The following MBNL1 variants were observed in gnomAD, a reference collection of about 807,000 sequenced individuals.
MBNL1 encodes muscleblind like splicing regulator 1.
In MBNL1, 8 loss-of-function variants were observed where a neutral mutation model predicts 42.2. The observed-to-expected ratio is 0.19, with a 90% CI of 0.11 to 0.34. The LOEUF is 0.34. MBNL1 is among the 10% of genes least tolerant of loss of function. MBNL1 has a pLI of 1.00. For synonymous variants in MBNL1, 169 were observed against 173.9 expected, an observed-to-expected ratio of 0.97 and a Z score of 0.22; for missense variants, 309 against 495.3, an observed-to-expected ratio of 0.62 and a Z score of 3.57.
intron 1 of MBNL1, among the ~76,000 whole-genome samples, chr3:152,279,865 G>A (rs2047399857): frequency 1.3e-5 from 2 of 152,028 alleles, no homozygotes; most frequent in African/African-American, 4.8e-5. Flanking sequence ...TTATACATCA[G>A]TCTCTGCTCT....
chr3:152,427,318 C>T (rs1257382781), intron 3 of MBNL1, among the ~76,000 whole-genome samples: 1 of 152,200 alleles, frequency 6.6e-6, no homozygotes, highest in Non-Finnish European at 1.5e-5. Context: ...AGGAGGTACT[C>T]ATTGATTTAT....
intron 2 of MBNL1, among the ~76,000 whole-genome samples, chr3:152,326,529 CA>C (rs950017346): frequency 5.3e-5 from 8 of 151,840 alleles, no homozygotes; most frequent in African/African-American, 1.9e-4. Context: ...TTAGAGTTTG[CA>C]AAAATGGTGA....
chr3:152,354,673 T>C lies in MBNL1; in HGVS notation c.174+54306T>C, dbSNP rs570789805. On this transcript the variant is annotated intron_variant, in intron 2 of 9. Coordinates refer to ENST00000324210, the MANE Select transcript of MBNL1 (RefSeq NM_021038.5). ...AAAAAAAAAACTGCCCTGAAGCCTT[T>C]GGTTTATATAGAATAAAATAGGGCA... 3.3e-5 allele frequency among the ~76,000 whole-genome samples: 5 copies of C among 152,186 alleles called. No homozygotes were observed. In the East Asian group the frequency reaches 9.6e-4, roughly 29 times the overall value.
chr3:152,443,599 A>G (rs568030049), intron 4 of MBNL1, among the ~76,000 whole-genome samples: 41 of 151,968 alleles, frequency 2.7e-4, no homozygotes, highest in Non-Finnish European at 5.2e-4. Flanking sequence ...GGTACTGGGT[A>G]CTGTTTTAGC....
At chr3:152,328,142 T>C (rs2081626880) in intron 2 of MBNL1, among the ~76,000 whole-genome samples, 1 of 152,140 alleles carries the variant, frequency 6.6e-6, no homozygotes, top group South Asian at 2.1e-4. Context: ...TCTCCTATAG[T>C]GTGTGTTTTG....
At chr3:152,360,176 G>C (rs765945688) in intron 2 of MBNL1, among the ~76,000 whole-genome samples, 5 of 151,958 alleles carry the variant, frequency 3.3e-5, no homozygotes, top group Admixed American at 6.6e-5. Context: ...GTCTTGAATA[G>C]GTCTTTGGTC....
chr3:152,346,544 CAT>C (rs1422003891), intron 2 of MBNL1, among the ~76,000 whole-genome samples: 2 of 152,052 alleles, frequency 1.3e-5, no homozygotes, highest in Admixed American at 6.6e-5. Context: ...AAGATAACCA[CAT>C]ATTTTTCCTA....
chr3:152,414,015 C>T (rs560837674), intron 2 of MBNL1, among the ~76,000 whole-genome samples: 1 of 152,170 alleles, frequency 6.6e-6, no homozygotes, highest in South Asian at 2.1e-4. Flanking sequence ...CTCGTGTGCT[C>T]AGGAGATCTC....
At chr3:152,429,995 C>T (rs2098986141) in intron 3 of MBNL1, among the ~76,000 whole-genome samples, 1 of 152,124 alleles carries the variant, frequency 6.6e-6, no homozygotes, top group Non-Finnish European at 1.5e-5. Flanking sequence ...GGGGACAGTG[C>T]CCTAAAATTG....
intron 2 of MBNL1, among the ~76,000 whole-genome samples, chr3:152,407,448 C>T (rs777745670): frequency 6.6e-6 from 1 of 151,408 alleles, no homozygotes; most frequent in South Asian, 2.1e-4. Flanking sequence ...ATTTTTTCAC[C>T]TTCTGTGGGG....
intron 2 of MBNL1, among the ~76,000 whole-genome samples, chr3:152,329,696 T>A (rs897611990): frequency 2.1e-5 from 3 of 140,166 alleles, no homozygotes; most frequent in South Asian, 2.1e-4. Context: ...TCTTATATAT[T>A]ATATATATAT....
chr3:152,327,108 T>C (rs1437886892), intron 2 of MBNL1, among the ~76,000 whole-genome samples: 1 of 151,984 alleles, frequency 6.6e-6, no homozygotes, highest in Non-Finnish European at 1.5e-5. Flanking sequence ...TGCGCTCGGC[T>C]GATAAATTAT....
intron 2 of MBNL1, among the ~76,000 whole-genome samples, chr3:152,318,872 T>C (rs1469291400): frequency 6.6e-6 from 1 of 152,182 alleles, no homozygotes; most frequent in Non-Finnish European, 1.5e-5. Context: ...CAAATTGTAA[T>C]ATCCTGCCTA....
chr3:152,259,571 T>C (rs995868359), intron 2 of MBNL1, among the ~76,000 whole-genome samples: 2 of 152,234 alleles, frequency 1.3e-5, no homozygotes, highest in African/African-American at 2.4e-5. Context: ...GCTTTGTCTG[T>C]AGATATCATA....
At chr3:152,279,557 C>T (rs146367161) in intron 1 of MBNL1, among the ~76,000 whole-genome samples, 268 of 151,980 alleles carry the variant, frequency 1.8e-3, no homozygotes, top group African/African-American at 6.3e-3. Flanking sequence ...AATAGCGTAT[C>T]GTTTGACAAA....
rs1560287591 is a variant in MBNL1, at chr3:152,360,495, A to ATC, written c.175-54438_175-54437dup. 3.3e-5 allele frequency among the ~76,000 whole-genome samples: 5 copies of ATC among 151,930 alleles called. No homozygotes were observed. The East Asian group carries it at 5.8e-4, about 18-fold the overall frequency. On this transcript the variant is annotated intron_variant, in intron 2 of 9. Transcript: ENST00000324210. ...ATCCCCTGATCTTCTTCCTGTCCCC[A>ATC]TCTCTCTCTGTCCTTTAAGACTCAT... is the stretch of plus-strand genomic sequence containing the variant.
At chr3:152,359,849 C>T (rs2095809147) in intron 2 of MBNL1, among the ~76,000 whole-genome samples, 1 of 152,152 alleles carries the variant, frequency 6.6e-6, no homozygotes, top group Admixed American at 6.5e-5. Context: ...TAAATCATCC[C>T]TGTTTTATGG....
intron 2 of MBNL1, among the ~76,000 whole-genome samples, chr3:152,322,983 A>G (rs2077294085): frequency 6.6e-6 from 1 of 152,082 alleles, no homozygotes; most frequent in Non-Finnish European, 1.5e-5. Context: ...GGTTTGTGGG[A>G]GCCAGATTCA....
intron 2 of MBNL1, among the ~76,000 whole-genome samples, chr3:152,374,299 G>A (rs1365343761): frequency 1.3e-5 from 2 of 152,166 alleles, no homozygotes; most frequent in Non-Finnish European, 2.9e-5. Context: ...GGTCAGAGTT[G>A]GATGGAGAAG....
Sources: allele counts gnomAD v4.1 joint callset (sites outside exome capture counted in the v4.1 genomes callset), GRCh38; gene constraint gnomAD v4.1.1; transcripts MANE v1.5; gene names NCBI Gene and HGNC (gene_info 2026-07-23, HGNC 2026-07-21).